EXOG: variants seen among roughly 807,000 people sequenced by gnomAD.
EXOG encodes nuclease EXOG, mitochondrial.
A neutral mutation model predicts 25.8 loss-of-function variants in EXOG; 27 were observed. The observed-to-expected ratio is 1.05, with a 90% confidence interval of 0.77 to 1.45. The LOEUF (loss-of-function observed/expected upper bound fraction) is 1.45, where lower values mean the gene tolerates loss of function less well. Among genes scored for constraint, EXOG ranks in the 40% most tolerant of loss-of-function variants. EXOG has a pLI of 0.00. For missense variants in EXOG, 458 were observed against 450.5 expected, an observed-to-expected ratio of 1.02 and a Z score of -0.15; for synonymous variants, 133 against 167.0, an observed-to-expected ratio of 0.80 and a Z score of 1.57.
In EXOG at chr3:38,524,703, T is replaced by C. The variant is rs1460219269; in HGVS notation, c.*341T>C. 3 of 1,014,426 alleles carry C rather than the reference T, an allele frequency of 3.0e-6. No homozygotes were observed. Among genetic ancestry groups the C allele is most frequent in the Non-Finnish European group, 3.5e-6 (3 of 848,960 alleles). 62.8% of individuals were successfully genotyped at this position (1,014,426 alleles called of 1,614,324 possible). ...CCCAAAAGATGAAAGATCTACAATG[T>C]TTTTGTCAGTATTATATTTGACTCA... On this transcript the variant is annotated 3_prime_UTR_variant, in exon 6 of 6. Coordinates refer to ENST00000287675, the MANE Select transcript of EXOG (RefSeq NM_005107.4).
Position 38,507,011 on chromosome 3 carries a change from T to A in EXOG, c.645+43T>A, listed in dbSNP as rs546432519. On this transcript the variant is annotated intron_variant, in intron 5 of 5. Coordinates refer to ENST00000287675, the MANE Select transcript of EXOG (RefSeq NM_005107.4). ...TCAGGTTTATGTTATCTGTATGAGA[T>A]TATAATCTCACTTTCCATTCTGCTT... 121 of 831,024 alleles carry A rather than the reference T, an allele frequency of 1.5e-4. 1 individual carries two copies. The highest frequency in any genetic ancestry group is 2.3e-4 in the Non-Finnish European group (116 of 505,014). 51.5% of individuals were successfully genotyped at this position (831,024 alleles called of 1,614,324 possible).
Position 38,525,314 on chromosome 3 carries a change from A to G in EXOG, c.*952A>G. 2.0e-6 allele frequency: 2 copies of G among 985,354 alleles called. No individual in the cohort carries two copies. The highest frequency in any genetic ancestry group is 2.4e-6 in the Non-Finnish European group (2 of 829,840). The allele number at this position is 985,354 out of a possible 1,614,324, so 61.0% of individuals were successfully genotyped here. A position where few individuals can be genotyped will look rare whatever the true frequency, so the allele number is the denominator to read the frequency against. Reference sequence around the variant, plus strand: ...AAGAAAGACAGCTGAGGTAGATTCAAATCTTTTCTGACATGGATGGTGGCT... The same window carrying G: ...AAGAAAGACAGCTGAGGTAGATTCAGATCTTTTCTGACATGGATGGTGGCT... On this transcript the variant is annotated 3_prime_UTR_variant, in exon 6 of 6. Coordinates refer to ENST00000287675, the MANE Select transcript of EXOG (RefSeq NM_005107.4).
intron 5 of EXOG, among the ~76,000 whole-genome samples, chr3:38,522,223 A>C (rs1397808514): frequency 6.6e-6 from 1 of 152,222 alleles, no homozygotes; most frequent in Non-Finnish European, 1.5e-5. Context: ...GCAGATGGCC[A>C]TGGAGTTCCC....
chr3:38,499,354 C>G (rs2059980806), intron 2 of EXOG, among the ~76,000 whole-genome samples: 1 of 152,164 alleles, frequency 6.6e-6, no homozygotes, highest in African/African-American at 2.4e-5. Context: ...TTGGAATGTA[C>G]TTGGTGTTAG....
intron 3 of EXOG, among the ~76,000 whole-genome samples, chr3:38,501,921 T>C (rs2060057535): frequency 6.6e-6 from 1 of 152,224 alleles, no homozygotes; most frequent in African/African-American, 2.4e-5. Flanking sequence ...AATTTTTGTT[T>C]GTTTGTTTAT....
chr3:38,511,911 A>G (rs1447642507), intron 5 of EXOG, among the ~76,000 whole-genome samples: 1 of 151,990 alleles, frequency 6.6e-6, no homozygotes, highest in African/African-American at 2.4e-5. Context: ...AGCTACTATT[A>G]CTCCTTTGGA....
intron 5 of EXOG, among the ~76,000 whole-genome samples, chr3:38,517,273 A>G (rs1377551600): frequency 6.6e-6 from 1 of 152,198 alleles, no homozygotes; most frequent in Non-Finnish European, 1.5e-5. Flanking sequence ...ATTTATTTTT[A>G]TTCAAAGAGT....
Position 38,503,666 on chromosome 3 carries a change from G to A in EXOG, c.505G>A (p.Asp169Asn). 5.0e-6 allele frequency: 8 copies of A among 1,602,956 alleles called. No homozygotes were observed. Among genetic ancestry groups the A allele is most frequent in the Non-Finnish European group, 6.8e-6 (8 of 1,170,596 alleles). Residue 169 changes from aspartate (D) to asparagine (N), a missense_variant, in exon 4 of 6, where the codon GAT becomes AAT. Asp to Asn is a conservative substitution (Grantham distance 23, BLOSUM62 1). Coordinates refer to ENST00000287675, the MANE Select transcript of EXOG (RefSeq NM_005107.4). ...TTCTAACATTGTGCCTCAGGATTTT[G>A]ATAATAATTCTGGATATTGGAACAG... The part of the protein sequence containing the change: ...YLSNIVPQDF[D>N]NNSGYWNRIE...
Position 38,525,178 on chromosome 3 carries a change from A to C in EXOG, c.*816A>C. ...AATGACTCTCTGAGGTAAATACACTATCCCCATTTTACCTGTGAGAAAATT... is the reference window on the plus strand; with the variant it reads ...AATGACTCTCTGAGGTAAATACACTCTCCCCATTTTACCTGTGAGAAAATT... On this transcript the variant is annotated 3_prime_UTR_variant, in exon 6 of 6. Transcript: ENST00000287675. The C allele has an allele frequency of 1.1e-6, 1 of 929,310 alleles. No homozygotes were observed. Among genetic ancestry groups the C allele is most frequent in the South Asian group, 5.0e-5 (1 of 20,114 alleles). The allele number at this position is 929,310 out of a possible 1,614,324, so 57.6% of individuals were successfully genotyped here.
rs764626582 is a variant in EXOG at position 38,501,408 on chromosome 3, A to G, written c.367A>G (p.Thr123Ala). ...KFKPDPNIPP[T>A]FSAFNEDYVG... ...TAAGCCTGATCCCAATATCCCTCCAACCTTCAGTGCCTTCAATGAAGATTA... is the reference window on the plus strand; with the variant it reads ...TAAGCCTGATCCCAATATCCCTCCAGCCTTCAGTGCCTTCAATGAAGATTA... Residue 123 changes from threonine to alanine, a missense_variant, in exon 3 of 6, where the codon ACC (threonine) becomes GCC (alanine). Coordinates refer to ENST00000287675, the MANE Select transcript of EXOG (RefSeq NM_005107.4). 2 of 1,613,434 alleles carry G rather than the reference A, an allele frequency of 1.2e-6. No individual in the cohort carries two copies. Among genetic ancestry groups the G allele is most frequent in the South Asian group, 2.2e-5 (2 of 91,070 alleles).
intron 2 of EXOG, chr3:38,499,547 G>A: frequency 2.5e-6 from 1 of 393,972 alleles, no homozygotes; most frequent in Non-Finnish European, 4.9e-6. Flanking sequence ...AAGGTCTTCT[G>A]TTTTCAGTAA....
chr3:38,516,726 C>T (rs908184069), intron 5 of EXOG, among the ~76,000 whole-genome samples: 2 of 151,934 alleles, frequency 1.3e-5, no homozygotes, highest in African/African-American at 4.8e-5. Context: ...CAGGATTGAG[C>T]ATTGCATTTA....
chr3:38,511,768 G>A (rs1315338764), intron 5 of EXOG, among the ~76,000 whole-genome samples: 1 of 152,168 alleles, frequency 6.6e-6, no homozygotes, highest in African/African-American at 2.4e-5. Flanking sequence ...ATGTGGTCCT[G>A]GGAAAATGAC....
At chr3:38,497,075 C>A (rs192428979) in intron 1 of EXOG, 252 of 903,496 alleles carry the variant, frequency 2.8e-4, no homozygotes, top group African/African-American at 1.1e-3. Flanking sequence ...TTATATTTGA[C>A]AAAAAAAAAA....
intron 4 of EXOG, chr3:38,505,400 A>G (rs1204900431): frequency 6.6e-6 from 1 of 152,056 alleles, no homozygotes; most frequent in Non-Finnish European, 1.5e-5. Context: ...TTTTCCCAAG[A>G]GATAAATTTC....
chr3:38,516,452 T>G (rs1041267274), intron 5 of EXOG, among the ~76,000 whole-genome samples: 1 of 152,194 alleles, frequency 6.6e-6, no homozygotes, highest in South Asian at 2.1e-4. Flanking sequence ...TCACCTAGAT[T>G]TACTGGTTGT....
intron 3 of EXOG, among the ~76,000 whole-genome samples, chr3:38,503,355 C>T (rs1439065105): frequency 3.3e-5 from 5 of 152,176 alleles, no homozygotes; most frequent in African/African-American, 1.2e-4. Flanking sequence ...ATATTTAGTT[C>T]TTAGAATTCA....
intron 5 of EXOG, among the ~76,000 whole-genome samples, chr3:38,510,335 T>C (rs1225688885): frequency 6.6e-6 from 1 of 152,136 alleles, no homozygotes; most frequent in Non-Finnish European, 1.5e-5. Context: ...AAAAAGTTGC[T>C]AAAAAGGATG....
Position 38,524,622 on chromosome 3 carries a change from C to G in EXOG, c.*260C>G. 8.7e-7 allele frequency: 1 copy of G among 1,143,442 alleles called. No individual in the cohort carries two copies. The highest frequency in any genetic ancestry group is 1.1e-6 in the Non-Finnish European group (1 of 932,484). 70.8% of individuals were successfully genotyped at this position (1,143,442 alleles called of 1,614,324 possible). On this transcript the variant is annotated 3_prime_UTR_variant, in exon 6 of 6. Transcript: ENST00000287675. ...AGGCACACACCATCACCCTCAGCTA[C>G]TAGTGGCTTTGCTTTAAAGAAACAG...
Sources: gnomAD v4.1 joint callset for allele counts (sites outside exome capture counted in the v4.1 genomes callset) on GRCh38, gnomAD v4.1.1 for gene constraint, MANE v1.5 for transcripts, NCBI Gene and HGNC (gene_info 2026-07-23, HGNC 2026-07-21) for gene names.